TRAPPC9: variants seen among roughly 807,000 people sequenced by gnomAD.
TRAPPC9 encodes IKK2 binding protein.
In TRAPPC9, 83 loss-of-function variants were observed where a neutral mutation model predicts 124.0. The observed-to-expected ratio is 0.67, with a 90% CI of 0.56 to 0.80. The LOEUF is 0.80. Ranked by LOEUF, TRAPPC9 falls within the 30% of genes least tolerant of loss-of-function variation. TRAPPC9 has a pLI of 0.00. For missense variants in TRAPPC9, 1,302 were observed against 1,508.3 expected, an observed-to-expected ratio of 0.86 and a Z score of 2.27; for synonymous variants, 638 against 617.5, an observed-to-expected ratio of 1.03 and a Z score of -0.49.
At position 139,882,708 on chromosome 8, in the gene TRAPPC9, A is replaced by G. The variant is rs760073858; in HGVS notation, c.3055+3171T>C. ...CGGGTCTCAGAGGAAACAATAGTGC[A>G]TGGTAGCAGGGGCTGCACTGAGCAC... On this transcript the variant is annotated intron_variant, in intron 21 of 22. Transcript: ENST00000438773. 3.5e-4 allele frequency among the ~76,000 whole-genome samples: 53 copies of G among 152,184 alleles called. 1 individual carries two copies. The highest frequency in any genetic ancestry group is 1.2e-3 in the Admixed American group (18 of 15,284).
At chr8:140,056,554 C>A (rs1842299414) in intron 17 of TRAPPC9, among the ~76,000 whole-genome samples, 1 of 151,946 alleles carries the variant, frequency 6.6e-6, no homozygotes, top group South Asian at 2.1e-4. Context: ...CAAGAATACA[C>A]AATGGGGGAC....
At chr8:139,753,187 AC>A (rs377006318) in intron 21 of TRAPPC9, among the ~76,000 whole-genome samples, 2 of 144,328 alleles carry the variant, frequency 1.4e-5, no homozygotes, top group African/African-American at 5.3e-5. Context: ...TCCAACATCT[AC>A]CCATGCATCC....
rs182559906 is a variant in TRAPPC9 at position 140,383,849 on chromosome 8, G to A, written c.1135-12669C>T. Among the ~76,000 whole-genome samples the A allele has an allele frequency of 5.4e-4, 82 of 152,200 alleles. No homozygotes were observed. The East Asian group carries it at 0.015, about 28-fold the overall frequency. ...TACTCCTCAAGAAGAGCAACTCCAA[G>A]ACACATAATTGTCAGATTCACCAAA... On this transcript the variant is annotated intron_variant, in intron 7 of 22. Coordinates refer to ENST00000438773, the MANE Select transcript of TRAPPC9 (RefSeq NM_001160372.4).
At chr8:139,761,694 C>A (rs767410040) in intron 21 of TRAPPC9, among the ~76,000 whole-genome samples, 2 of 152,074 alleles carry the variant, frequency 1.3e-5, no homozygotes, top group African/African-American at 2.4e-5. Flanking sequence ...GCTCCAGGTG[C>A]TGGGTCACCC....
rs1396652525 is a variant in TRAPPC9, at chr8:140,097,123, C to G, written c.2557-73044G>C. 5 of 152,292 alleles carry G rather than the reference C, an allele frequency of 3.3e-5. No homozygotes were observed. Among genetic ancestry groups the G allele is most frequent in the African/African-American group, 1.2e-4 (5 of 41,442 alleles). 9.4% of individuals were successfully genotyped at this position (152,292 alleles called of 1,614,324 possible). ...GTCAGAAGGGGAGGGACCTCCTCTACCCGGCTCCAGGTCTGGTTCTCGTGC... is the reference window on the plus strand; with the variant it reads ...GTCAGAAGGGGAGGGACCTCCTCTAGCCGGCTCCAGGTCTGGTTCTCGTGC... On this transcript the variant is annotated intron_variant, in intron 17 of 22. Transcript: ENST00000438773. The surrounding 1 kb of genome is among the most constrained non-coding windows in gnomAD (Gnocchi z 4.2).
At chr8:139,912,386 TCTC>T (rs1479007022) in intron 19 of TRAPPC9, among the ~76,000 whole-genome samples, 1 of 152,160 alleles carries the variant, frequency 6.6e-6, no homozygotes, top group East Asian at 1.9e-4. Flanking sequence ...ACAGAATGGT[TCTC>T]CTATTTTTTG....
At chr8:140,073,565 A>T (rs1843314609) in intron 17 of TRAPPC9, among the ~76,000 whole-genome samples, 1 of 152,266 alleles carries the variant, frequency 6.6e-6, no homozygotes, top group South Asian at 2.1e-4. Context: ...ATGGGATACA[A>T]GAGAACTTTC....
At chr8:139,845,829 A>C (rs1827039814) in intron 21 of TRAPPC9, among the ~76,000 whole-genome samples, 1 of 152,264 alleles carries the variant, frequency 6.6e-6, no homozygotes, top group Non-Finnish European at 1.5e-5. Flanking sequence ...GCAGCCAAGT[A>C]GACCCTAACA....
intron 19 of TRAPPC9, among the ~76,000 whole-genome samples, chr8:139,959,300 G>A (rs1041356143): frequency 6.6e-6 from 1 of 152,244 alleles, no homozygotes; most frequent in Non-Finnish European, 1.5e-5. Flanking sequence ...GGCTTGAAAC[G>A]CCAACTTCAC....
intron 21 of TRAPPC9, among the ~76,000 whole-genome samples, chr8:139,859,528 A>T (rs1162268617): frequency 6.6e-6 from 1 of 152,224 alleles, no homozygotes; most frequent in Non-Finnish European, 1.5e-5. Flanking sequence ...CCCTGATGAC[A>T]TCATGACACT....
intron 17 of TRAPPC9, among the ~76,000 whole-genome samples, chr8:140,089,867 G>A (rs1193958851): frequency 6.6e-6 from 1 of 152,038 alleles, no homozygotes; most frequent in African/African-American, 2.4e-5. Flanking sequence ...ATCACGAGGT[G>A]AGGAGATCAA....
intron 17 of TRAPPC9, among the ~76,000 whole-genome samples, chr8:140,191,570 G>T (rs1184085060): frequency 6.6e-6 from 1 of 152,040 alleles, no homozygotes; most frequent in African/African-American, 2.4e-5. Flanking sequence ...GTGACACGTC[G>T]GCTCTGGCTT....
intron 19 of TRAPPC9, among the ~76,000 whole-genome samples, chr8:139,975,752 C>T (rs946776732): frequency 6.6e-6 from 1 of 152,080 alleles, no homozygotes; most frequent in African/African-American, 2.4e-5. Flanking sequence ...CCCACTCAAG[C>T]TGCCCTGGCT....
intron 17 of TRAPPC9, among the ~76,000 whole-genome samples, chr8:140,130,743 C>G (rs1587772275): frequency 1.3e-5 from 2 of 152,226 alleles, no homozygotes; most frequent in African/African-American, 4.8e-5. Context: ...TGGAAACACA[C>G]AGGAAAGTGC....
chr8:139,746,287 G>T (rs375200666), intron 21 of TRAPPC9, among the ~76,000 whole-genome samples: 1 of 152,210 alleles, frequency 6.6e-6, no homozygotes, highest in African/African-American at 2.4e-5. Context: ...GGCACAGACT[G>T]CAGCCCCTCT....
intron 17 of TRAPPC9, among the ~76,000 whole-genome samples, chr8:140,148,044 G>A (rs1418234895): frequency 6.6e-6 from 1 of 152,248 alleles, no homozygotes; most frequent in East Asian, 1.9e-4. Flanking sequence ...CGGGGGCACA[G>A]CAGTGAAGCA....
intron 17 of TRAPPC9, among the ~76,000 whole-genome samples, chr8:140,192,130 A>G (rs532764898): frequency 6.6e-6 from 1 of 152,318 alleles, no homozygotes; most frequent in East Asian, 1.9e-4. Context: ...AGCTGTGTTC[A>G]TTTCTAATCA....
intron 21 of TRAPPC9, among the ~76,000 whole-genome samples, chr8:139,873,572 ACACAGT>A (rs1376966560): frequency 1.3e-5 from 2 of 152,114 alleles, no homozygotes; most frequent in Admixed American, 1.3e-4. Flanking sequence ...ATCTGCCTGG[ACACAGT>A]CACTGTTTCC....
intron 15 of TRAPPC9, among the ~76,000 whole-genome samples, chr8:140,266,818 C>T (rs1197538971): frequency 3.3e-5 from 5 of 152,160 alleles, no homozygotes. Context: ...CGAGATCGCG[C>T]CACTGCACTC....
Sources: allele counts gnomAD v4.1 joint callset (sites outside exome capture counted in the v4.1 genomes callset), GRCh38; gene constraint gnomAD v4.1.1; non-coding constraint Gnocchi (gnomAD v3.1); transcripts MANE v1.5; gene names NCBI Gene and HGNC (gene_info 2026-07-23, HGNC 2026-07-21).